The following SFI1 variants were observed in gnomAD, a reference collection of about 807,000 sequenced individuals.
The protein encoded by SFI1 is protein SFI1 homolog.
A neutral mutation model predicts 207.5 loss-of-function variants in SFI1; 195 were observed. The ratio of observed to expected loss-of-function variants is 0.94; its 90% CI spans 0.84 to 1.06. The LOEUF (loss-of-function observed/expected upper bound fraction) is 1.06. Among genes scored for constraint, SFI1 ranks in the 50% least tolerant of loss-of-function variants. The pLI, the probability that SFI1 is intolerant of heterozygous loss-of-function variation, is 0.00. For synonymous variants in SFI1, 630 were observed against 598.9 expected, an observed-to-expected ratio of 1.05 and a Z score of -0.76; for missense variants, 1,634 against 1,588.0, an observed-to-expected ratio of 1.03 and a Z score of -0.49.
chr22:31,582,049 G>T (rs2064249794), intron 12 of SFI1, among the ~76,000 whole-genome samples: 1 of 150,670 alleles, frequency 6.6e-6, no homozygotes, highest in African/African-American at 2.4e-5. Context: ...TGTCTTATTT[G>T]TAGCTGCTTT....
intron 14 of SFI1, 137 bp downstream of exon 14, chr22:31,585,271 A>G (rs2064879429): frequency 3.1e-6 from 2 of 642,806 alleles, no homozygotes; most frequent in South Asian, 2.3e-5. Flanking sequence ...GAAAAAGCTC[A>G]AAGTCATTTC....
In SFI1 at chr22:31,545,574, A is replaced by T. The variant is rs12166572; in HGVS notation, c.339-1287A>T. Among the ~76,000 whole-genome samples the T allele has an allele frequency of 7.3e-3, 956 of 130,986 alleles. 4 individuals are homozygous for T. Among genetic ancestry groups the T allele is most frequent in the East Asian group, 0.022 (108 of 4,930 alleles). 85.9% of individuals were successfully genotyped at this position (130,986 alleles called of 152,430 possible). On this transcript the variant is annotated intron_variant, in intron 4 of 32. Coordinates refer to ENST00000400288, the MANE Select transcript of SFI1 (RefSeq NM_001007467.3). ...AATTTAATTTAATTTAATTTAATTTAATTTAATTTAATTTTATTTTATTTT... is the reference window on the plus strand; with the variant it reads ...AATTTAATTTAATTTAATTTAATTTTATTTAATTTAATTTTATTTTATTTT...
chr22:31,549,019 A>G (rs543518085), intron 5 of SFI1, among the ~76,000 whole-genome samples: 2 of 151,922 alleles, frequency 1.3e-5, no homozygotes, highest in African/African-American at 2.4e-5. Flanking sequence ...CAGGCATGGT[A>G]GCTCACACCT....
At chr22:31,559,718 C>A in intron 7 of SFI1, 1 of 845,748 alleles carries the variant, frequency 1.2e-6, no homozygotes, top group Non-Finnish European at 2.0e-6. Context: ...GTACAAGATC[C>A]CAGACTGGTT....
intron 27 of SFI1, 80 bp downstream of exon 27, chr22:31,613,935 C>CGTCCCATCCCGTCAGGGCTGT: frequency 6.8e-7 from 1 of 1,477,258 alleles, no homozygotes; most frequent in Non-Finnish European, 9.0e-7. Flanking sequence ...GAAAACAGCC[C>CGTCCCATCCCGTCAGGGCTGT]TGACGGGATG....
chr22:31,531,686 G>T (rs936030828), intron 4 of SFI1, among the ~76,000 whole-genome samples: 1 of 152,160 alleles, frequency 6.6e-6, no homozygotes, highest in Non-Finnish European at 1.5e-5. Context: ...CTGACATCGG[G>T]AGTTTGAGAC....
intron 1 of SFI1, 79 bp downstream of exon 1, chr22:31,496,716 C>T (rs1189347424): frequency 6.6e-6 from 1 of 152,262 alleles, no homozygotes; most frequent in East Asian, 1.9e-4. Context: ...GGACCTCAGT[C>T]GGGTTCCTCC....
At chr22:31,522,321 GTGGTAGGATTACAT>G in intron 2 of SFI1, among the ~76,000 whole-genome samples, 1 of 152,014 alleles carries the variant, frequency 6.6e-6, no homozygotes. Context: ...GCCTCCCAAA[GTGGTAGGATTACAT>G]GCGTGAGCCA....
At chr22:31,593,088 C>G (rs1432538397) in intron 15 of SFI1, among the ~76,000 whole-genome samples, 23 of 142,460 alleles carry the variant, frequency 1.6e-4, no homozygotes, top group African/African-American at 6.1e-4. Flanking sequence ...GGGGGGCTGA[C>G]CCCCCACCTC....
chr22:31,556,285 T>G (rs1449606821), intron 6 of SFI1, among the ~76,000 whole-genome samples: 1 of 151,494 alleles, frequency 6.6e-6, no homozygotes, highest in African/African-American at 2.4e-5. Flanking sequence ...TGCAATGGCG[T>G]GATCTCAGCT....
intron 4 of SFI1, among the ~76,000 whole-genome samples, chr22:31,531,869 G>A (rs865898680): frequency 3.2e-4 from 48 of 150,164 alleles, no homozygotes; most frequent in African/African-American, 1.0e-3. Flanking sequence ...CTCCAGCCTC[G>A]GCAACAAGAG....
intron 15 of SFI1, among the ~76,000 whole-genome samples, chr22:31,598,951 G>A (rs1373587833): frequency 3.3e-5 from 5 of 149,474 alleles, no homozygotes; most frequent in African/African-American, 9.8e-5. Context: ...ACACCACCAC[G>A]ACCAGCTAAT....
Position 31,561,373 on chromosome 22 carries a change from C to T in SFI1, c.746C>T (p.Ala249Val). ...CATGCCTCTGCTTTGAAGCACAGGG[C>T]CCTGAGCCTCCAGGTGCAGGTGAGT... ...ALHASALKHR[A>V]LSLQVQAWSQ... Residue 249 changes from alanine (A) to valine (V), a missense_variant, in exon 8 of 33, where the codon GCC becomes GTC. By Grantham distance (64) the Ala-to-Val change is moderately conservative. Coordinates refer to ENST00000400288, the MANE Select transcript of SFI1 (RefSeq NM_001007467.3). 6.2e-7 allele frequency: 1 copy of T among 1,613,752 alleles called. No individual in the cohort carries two copies. Among genetic ancestry groups the T allele is most frequent in the South Asian group, 1.1e-5 (1 of 91,008 alleles).
chr22:31,614,367 C>T, intron 27 of SFI1: 1 of 375,646 alleles, frequency 2.7e-6, no homozygotes, highest in South Asian at 2.1e-5. Flanking sequence ...TGGTGGCTCC[C>T]ACAGCAACCA....
At chr22:31,606,827 A>T (rs1462363959) in intron 21 of SFI1, 1 of 164,016 alleles carries the variant, frequency 6.1e-6, no homozygotes. Flanking sequence ...CCTCCCGAGT[A>T]GCTGGGACTA....
rs368007365 is a variant in SFI1, at chr22:31,599,529, G to A, written c.1545-2683G>A. ...TTTAGTAGAGACAGGGTTTCACCAT[G>A]TTGGGTTGGCCAGGATGGTCTCCAT... On this transcript the variant is annotated intron_variant, in intron 15 of 32. Transcript: ENST00000400288. Among the ~76,000 whole-genome samples the A allele has an allele frequency of 9.9e-5, 15 of 152,178 alleles. 1 individual carries two copies. In the South Asian group the frequency reaches 3.1e-3, roughly 32 times the overall value.
Position 31,520,141 on chromosome 22 carries a change from A to T in SFI1, c.93-8549A>T, listed in dbSNP as rs545754342. 1.9e-3 allele frequency among the ~76,000 whole-genome samples: 288 copies of T among 151,714 alleles called. 4 individuals carry two copies. The highest frequency in any genetic ancestry group is 8.1e-3 in the South Asian group (39 of 4,802). ...CAAGTGGGTGCCCTAGCGAATTATTATATGGCAGACACCTTTGTAATCACC... is the reference window on the plus strand; with the variant it reads ...CAAGTGGGTGCCCTAGCGAATTATTTTATGGCAGACACCTTTGTAATCACC... On this transcript the variant is annotated intron_variant, in intron 2 of 32. Transcript: ENST00000400288.
chr22:31,543,756 G>A (rs1373091183), intron 4 of SFI1, among the ~76,000 whole-genome samples: 1 of 149,756 alleles, frequency 6.7e-6, no homozygotes, highest in African/African-American at 2.5e-5. Context: ...CTTGCAGTGA[G>A]CCAAGATCGC....
At chr22:31,570,393 G>C (rs989285856) in intron 8 of SFI1, among the ~76,000 whole-genome samples, 1 of 152,226 alleles carries the variant, frequency 6.6e-6, no homozygotes, top group Non-Finnish European at 1.5e-5. Flanking sequence ...AAATAGGAAA[G>C]ACTGCAGGAG....
Sources: allele counts gnomAD v4.1 joint callset (sites outside exome capture counted in the v4.1 genomes callset), GRCh38; gene constraint gnomAD v4.1.1; transcripts MANE v1.5; gene names NCBI Gene and HGNC (gene_info 2026-07-23, HGNC 2026-07-21).